GALNTL6: variants seen among roughly 807,000 people sequenced by gnomAD.
The protein encoded by GALNTL6 is polypeptide N-acetylgalactosaminyltransferase like 6, also known as polypeptide N-acetylgalactosaminyltransferase-like 6.
In GALNTL6, 46 loss-of-function variants were observed where a neutral mutation model predicts 73.7. The observed-to-expected ratio is 0.62, with a 90% CI of 0.49 to 0.80. The LOEUF is 0.80. Ranked by LOEUF, GALNTL6 falls within the 30% of genes least tolerant of loss-of-function variation. GALNTL6 has a pLI of 0.00. For missense variants in GALNTL6, 604 were observed against 755.0 expected (o/e 0.80, Z 2.34); for synonymous variants, 259 against 263.7 (o/e 0.98, Z 0.17).
chr4:172,978,526 C>T (rs532502036), intron 10 of GALNTL6, among the ~76,000 whole-genome samples: 3 of 152,112 alleles, frequency 2.0e-5, no homozygotes, highest in East Asian at 1.9e-4. Context: ...AGTTGAAATG[C>T]GTTGTTCTTC....
intron 10 of GALNTL6, among the ~76,000 whole-genome samples, chr4:172,963,568 AT>A (rs1750185254): frequency 6.6e-6 from 1 of 152,194 alleles, no homozygotes; most frequent in Non-Finnish European, 1.5e-5. Context: ...TATTTGTTGA[AT>A]GAATGAAAGA....
intron 10 of GALNTL6, among the ~76,000 whole-genome samples, chr4:172,995,241 A>T (rs1012622337): frequency 4.6e-5 from 7 of 151,962 alleles, no homozygotes; most frequent in African/African-American, 1.7e-4. Context: ...ATTAGTTAAA[A>T]GATCAGCTGC....
intron 5 of GALNTL6, among the ~76,000 whole-genome samples, chr4:172,660,872 A>C (rs187382898): frequency 6.6e-6 from 1 of 152,332 alleles, no homozygotes; most frequent in Admixed American, 6.5e-5. Context: ...GGTTGTTTAA[A>C]ATAAGTCCTA....
intron 2 of GALNTL6, among the ~76,000 whole-genome samples, chr4:171,999,443 T>G (rs971894713): frequency 6.6e-6 from 1 of 152,182 alleles, no homozygotes; most frequent in Non-Finnish European, 1.5e-5. Context: ...ATAATTGTAT[T>G]ACTTCCTGCA....
intron 5 of GALNTL6, among the ~76,000 whole-genome samples, chr4:172,369,993 G>A (rs934304578): frequency 3.3e-5 from 5 of 152,208 alleles, no homozygotes; most frequent in African/African-American, 4.8e-5. Flanking sequence ...CGCCGAGAGC[G>A]AGCAAGTGCT....
intron 5 of GALNTL6, among the ~76,000 whole-genome samples, chr4:172,370,108 T>C (rs1288697713): frequency 6.6e-6 from 1 of 151,908 alleles, no homozygotes; most frequent in Non-Finnish European, 1.5e-5. Context: ...TGGATAGGGG[T>C]GAAGAAGGGG....
At chr4:172,864,709 G>T (rs1035722641) in intron 7 of GALNTL6, among the ~76,000 whole-genome samples, 3 of 152,130 alleles carry the variant, frequency 2.0e-5, no homozygotes, top group Non-Finnish European at 2.9e-5. Flanking sequence ...TAATCTATTA[G>T]AAATCTCAAA....
intron 2 of GALNTL6, among the ~76,000 whole-genome samples, chr4:171,988,530 T>G (rs1166002053): frequency 6.6e-6 from 1 of 151,994 alleles, no homozygotes; most frequent in Admixed American, 6.6e-5. Context: ...TAGAACAGAA[T>G]AGTGGATTGT....
At chr4:171,978,008 T>C (rs1236701909) in intron 2 of GALNTL6, among the ~76,000 whole-genome samples, 1 of 152,162 alleles carries the variant, frequency 6.6e-6, no homozygotes, top group Non-Finnish European at 1.5e-5. Context: ...AGCATTTTTC[T>C]TGTATTCTTT....
intron 2 of GALNTL6, among the ~76,000 whole-genome samples, chr4:171,824,225 T>C (rs916436613): frequency 7.9e-5 from 12 of 151,654 alleles, no homozygotes; most frequent in African/African-American, 2.9e-4. Context: ...GTTCACCATA[T>C]ATTACAACTG....
chr4:172,248,218 G>A (rs1044219621), intron 3 of GALNTL6, among the ~76,000 whole-genome samples: 4 of 152,154 alleles, frequency 2.6e-5, no homozygotes, highest in African/African-American at 9.7e-5. Context: ...ACATGATCAT[G>A]AAAGTACCGA....
chr4:171,968,169 GC>G (rs1444676021), intron 2 of GALNTL6, among the ~76,000 whole-genome samples: 1 of 151,862 alleles, frequency 6.6e-6, no homozygotes, highest in Admixed American at 6.6e-5. Context: ...ATGCCGGAAT[GC>G]CCCTTGCCAA....
chr4:171,881,387 G>A (rs1736444564), intron 2 of GALNTL6, among the ~76,000 whole-genome samples: 1 of 152,168 alleles, frequency 6.6e-6, no homozygotes, highest in Non-Finnish European at 1.5e-5. Flanking sequence ...CCTGGTGTTA[G>A]AAGTGGGGCC....
rs187907349 is a variant in GALNTL6, at chr4:172,595,251, A to T, written c.554-214110A>T. Among the ~76,000 whole-genome samples the T allele has an allele frequency of 3.4e-3, 517 of 152,316 alleles. 4 individuals carry two copies. The highest frequency in any genetic ancestry group is 5.0e-3 in the Non-Finnish European group (340 of 68,022). On this transcript the variant is annotated intron_variant, in intron 5 of 12. Transcript: ENST00000506823. Reference sequence around the variant, plus strand: ...AGTATTTGTGGGTTTGAGTAAAAAAAATATTACAAGGAGAGTGCTTTTAAA... The same window carrying T: ...AGTATTTGTGGGTTTGAGTAAAAAATATATTACAAGGAGAGTGCTTTTAAA...
chr4:172,696,571 A>G (rs964430179), intron 5 of GALNTL6, among the ~76,000 whole-genome samples: 4 of 152,110 alleles, frequency 2.6e-5, no homozygotes, highest in African/African-American at 7.2e-5. Context: ...TCTTTTCCAC[A>G]TTATACTTGT....
intron 5 of GALNTL6, among the ~76,000 whole-genome samples, chr4:172,670,149 T>C (rs564054105): frequency 3.5e-4 from 53 of 152,248 alleles, no homozygotes; most frequent in Non-Finnish European, 6.8e-4. Context: ...TGTATCTTTG[T>C]AATAGACCAT....
At chr4:172,385,291 G>A (rs141993925) in intron 5 of GALNTL6, among the ~76,000 whole-genome samples, 88 of 152,004 alleles carry the variant, frequency 5.8e-4, no homozygotes, top group African/African-American at 1.9e-3. Flanking sequence ...ATGGTTATAC[G>A]TGGTTTCTAG....
At chr4:172,881,032 T>A (rs914189170) in intron 7 of GALNTL6, among the ~76,000 whole-genome samples, 1 of 152,206 alleles carries the variant, frequency 6.6e-6, no homozygotes, top group African/African-American at 2.4e-5. Context: ...GTGCCCTTTG[T>A]CTCATGTTTT....
At chr4:172,448,853 A>G (rs1167197151) in intron 5 of GALNTL6, among the ~76,000 whole-genome samples, 1 of 152,164 alleles carries the variant, frequency 6.6e-6, no homozygotes, top group Non-Finnish European at 1.5e-5. Context: ...AGAAATTGTT[A>G]GGAGTGACAA....
Sources: allele counts gnomAD v4.1 joint callset (sites outside exome capture counted in the v4.1 genomes callset), GRCh38; gene constraint gnomAD v4.1.1; transcripts MANE v1.5; gene names NCBI Gene and HGNC (gene_info 2026-07-23, HGNC 2026-07-21).